SLC35F3: variants seen among roughly 807,000 people sequenced by gnomAD.
The protein encoded by SLC35F3 is putative thiamine transporter SLC35F3.
Under a neutral mutation model 49.9 loss-of-function variants are expected in SLC35F3, and 25 were observed. The ratio of observed to expected loss-of-function variants is 0.50; its 90% CI spans 0.37 to 0.70. SLC35F3 has a LOEUF of 0.70. Ranked by LOEUF, SLC35F3 falls within the 30% of genes least tolerant of loss-of-function variation. The pLI is 0.00. For synonymous variants in SLC35F3, 275 were observed against 265.4 expected (o/e 1.04, Z -0.35); for missense variants, 525 against 639.8 (o/e 0.82, Z 1.94).
chr1:233,983,186 CT>C (rs1236980290), intron 2 of SLC35F3, among the ~76,000 whole-genome samples: 1 of 152,122 alleles, frequency 6.6e-6, no homozygotes, highest in African/African-American at 2.4e-5. Flanking sequence ...CGCCCTCCCT[CT>C]CTATCTCTCA....
At position 233,935,266 on chromosome 1, in the gene SLC35F3, A is replaced by C. The variant is rs529671615; in HGVS notation, c.283+29508A>C. ...AATACTGGCTATTGTGTGGAAAAGA[A>C]CAGAAGAGACTGAGCCATACATTAT... is the stretch of plus-strand genomic sequence containing the variant. On this transcript the variant is annotated intron_variant, in intron 2 of 7. Coordinates refer to ENST00000366618, the MANE Select transcript of SLC35F3 (RefSeq NM_173508.4). 2.1e-5 allele frequency among the ~76,000 whole-genome samples: 3 copies of C among 145,948 alleles called. No homozygotes were observed. In the East Asian group the frequency reaches 6.0e-4, roughly 29 times the overall value.
rs1247294660 is a variant in SLC35F3 at position 234,231,506 on chromosome 1, T to C, written c.373T>C (p.Trp125Arg). The change falls in exon 3 of 8, where the codon TGG becomes CGG. Residue 125 changes from tryptophan (W) to arginine (R), a missense_variant. Physicochemically the swap from Trp to Arg is moderately radical, Grantham distance 101. Transcript: ENST00000366618. The surrounding 1 kb of genome is among the most constrained non-coding windows in gnomAD (Gnocchi z 5.4). ...EAGGRASRRC[W>R]TCSRAQLKKI... ...CGGCGGGAGAGCGAGTCGCCGCTGC[T>C]GGACGTGCTCCCGGGCGCAACTCAA... 2 of 1,613,518 alleles carry C rather than the reference T, an allele frequency of 1.2e-6. No homozygotes were observed. The highest frequency in any genetic ancestry group is 1.3e-5 in the African/African-American group (1 of 74,912).
chr1:234,213,464 AG>A, intron 2 of SLC35F3: 1 of 152,408 alleles, frequency 6.6e-6, no homozygotes, highest in Admixed American at 6.5e-5. Context: ...GGATGATAGC[AG>A]GGCACCTCTG....
intron 2 of SLC35F3, among the ~76,000 whole-genome samples, chr1:234,061,209 T>C (rs557277341): frequency 1.3e-5 from 2 of 152,194 alleles, no homozygotes; most frequent in Non-Finnish European, 2.9e-5. Context: ...TTTTCTTTTT[T>C]GTCATGATTT....
intron 2 of SLC35F3, among the ~76,000 whole-genome samples, chr1:234,015,280 G>A (rs999066861): frequency 4.6e-5 from 7 of 151,692 alleles, no homozygotes; most frequent in East Asian, 3.9e-4. Flanking sequence ...CCCAGGAGGC[G>A]GAGTTTGCAG....
chr1:234,118,393 C>T (rs1665524358), intron 2 of SLC35F3, among the ~76,000 whole-genome samples: 1 of 152,160 alleles, frequency 6.6e-6, no homozygotes, highest in Admixed American at 6.5e-5. Context: ...AACTTTTTAC[C>T]TTTTAATGAT....
chr1:234,238,312 G>A (rs1343018211), intron 3 of SLC35F3, among the ~76,000 whole-genome samples: 1 of 152,136 alleles, frequency 6.6e-6, no homozygotes, highest in Non-Finnish European at 1.5e-5. Flanking sequence ...ACAGCCACAG[G>A]AAATCATGTA....
chr1:233,930,705 A>G (rs919213232), intron 2 of SLC35F3, among the ~76,000 whole-genome samples: 7 of 152,216 alleles, frequency 4.6e-5, no homozygotes, highest in African/African-American at 1.7e-4. Flanking sequence ...CATATTTCAT[A>G]TGTCATGTTC....
chr1:234,165,737 T>TA (rs1238562505), intron 2 of SLC35F3, among the ~76,000 whole-genome samples: 1 of 152,128 alleles, frequency 6.6e-6, no homozygotes, highest in Non-Finnish European at 1.5e-5. Context: ...GCTTTAGGGG[T>TA]ACAAGTGCTT....
intron 3 of SLC35F3, among the ~76,000 whole-genome samples, chr1:234,244,503 C>T (rs574874581): frequency 3.7e-4 from 57 of 152,266 alleles, no homozygotes; most frequent in Middle Eastern, 3.4e-3. Flanking sequence ...GAATCATTTC[C>T]CTCTGTCCTT....
intron 2 of SLC35F3, among the ~76,000 whole-genome samples, chr1:233,912,059 G>T (rs1486690392): frequency 6.6e-6 from 1 of 152,170 alleles, no homozygotes; most frequent in African/African-American, 2.4e-5. Context: ...TTTACTGTAA[G>T]CTGTTAGGGA....
At chr1:234,322,612 C>T (rs1657647535) in intron 7 of SLC35F3, among the ~76,000 whole-genome samples, 2 of 150,916 alleles carry the variant, frequency 1.3e-5, no homozygotes, top group Admixed American at 6.6e-5. Flanking sequence ...GTAAGTGGAT[C>T]CGTACAGTTC....
chr1:234,323,059 C>CCAT lies in SLC35F3; in HGVS notation c.1300_1302dup (p.Ile434dup). ...GTCTTCAATGGGGTCCGGGTCATCG[C>CCAT]CATCATCATCATCGGCCTGGGTTTT... On this transcript the variant is annotated inframe_insertion, in exon 8 of 8. Transcript: ENST00000366618. The surrounding 1 kb of genome is among the most constrained non-coding windows in gnomAD (Gnocchi z 4.5). The CCAT allele has an allele frequency of 6.2e-7, 1 of 1,614,116 alleles. No individual in the cohort carries two copies. The highest frequency in any genetic ancestry group is 8.5e-7 in the Non-Finnish European group (1 of 1,180,024).
chr1:234,108,512 T>TATATATTATTTATATATAAAA (rs1327594031), intron 2 of SLC35F3, among the ~76,000 whole-genome samples: 6 of 102,348 alleles, frequency 5.9e-5, no homozygotes, highest in East Asian at 3.1e-4. Context: ...TATATATAAA[T>TATATATTATTTATATATAAAA]GATATATATT....
At chr1:234,300,134 C>G (rs1668670672) in intron 3 of SLC35F3, among the ~76,000 whole-genome samples, 1 of 152,184 alleles carries the variant, frequency 6.6e-6, no homozygotes, top group Non-Finnish European at 1.5e-5. Flanking sequence ...AATACCAATT[C>G]TGGAAGGCCA....
chr1:234,067,181 C>G (rs2102865687), intron 2 of SLC35F3, among the ~76,000 whole-genome samples: 1 of 152,206 alleles, frequency 6.6e-6, no homozygotes, highest in South Asian at 2.1e-4. Context: ...CTACACACTG[C>G]AAATGACAAC....
rs114551938 is a variant in SLC35F3 at position 234,320,324 on chromosome 1, A to G, written c.1237+137A>G. 2.7e-3 allele frequency: 1,768 copies of G among 662,482 alleles called. 21 individuals carry two copies. Among genetic ancestry groups the G allele is most frequent in the African/African-American group, 0.026 (1,452 of 56,376 alleles). The allele number at this position is 662,482 out of a possible 1,614,324, so 41.0% of individuals were successfully genotyped here. A position where few individuals can be genotyped will look rare whatever the true frequency, so the allele number is the denominator to read the frequency against. ...TACACACACTCATGCATACACACAC[A>G]CACACATACTCTCACATACATACTC... On this transcript the variant is annotated intron_variant, in intron 7 of 7. Coordinates refer to ENST00000366618, the MANE Select transcript of SLC35F3 (RefSeq NM_173508.4). This position sits in a 1 kb window ranked among gnomAD's most constrained non-coding sequence, Gnocchi z 4.8.
chr1:234,151,576 G>C (rs538008918), intron 2 of SLC35F3, among the ~76,000 whole-genome samples: 1 of 151,556 alleles, frequency 6.6e-6, no homozygotes, highest in South Asian at 2.1e-4. Flanking sequence ...CAGAAATGAG[G>C]AAAGAGTTCA....
At chr1:234,075,091 T>G (rs778488931) in intron 2 of SLC35F3, among the ~76,000 whole-genome samples, 22 of 152,180 alleles carry the variant, frequency 1.4e-4, no homozygotes, top group Non-Finnish European at 2.8e-4. Context: ...GATACACCGA[T>G]GAGAGAGTAC....
Sources: allele counts gnomAD v4.1 joint callset (sites outside exome capture counted in the v4.1 genomes callset), GRCh38; gene constraint gnomAD v4.1.1; non-coding constraint Gnocchi (gnomAD v3.1); transcripts MANE v1.5; gene names NCBI Gene and HGNC (gene_info 2026-07-23, HGNC 2026-07-21).